The following VWC2L variants were observed in gnomAD, a reference collection of about 807,000 sequenced individuals.
VWC2L encodes the protein von Willebrand factor C domain-containing protein 2-like.
VWC2L carries 10 observed loss-of-function variants against 21.6 expected under a neutral mutation model. The observed-to-expected ratio is 0.46, with a 90% confidence interval of 0.29 to 0.78. VWC2L has a LOEUF of 0.78. VWC2L is among the 30% of genes least tolerant of loss of function. The pLI is 0.10. For missense variants in VWC2L, 209 were observed against 277.1 expected, an observed-to-expected ratio of 0.75 and a Z score of 1.74; for synonymous variants, 96 against 94.3, an observed-to-expected ratio of 1.02 and a Z score of -0.10.
At chr2:214,422,523 T>G (rs1702457759) in intron 2 of VWC2L, among the ~76,000 whole-genome samples, 1 of 152,202 alleles carries the variant, frequency 6.6e-6, no homozygotes, top group Non-Finnish European at 1.5e-5. Flanking sequence ...TAGTTGTCTT[T>G]TAGGGAAGCG....
intron 3 of VWC2L, among the ~76,000 whole-genome samples, chr2:214,542,124 C>T (rs1243751221): frequency 1.3e-5 from 2 of 152,082 alleles, no homozygotes; most frequent in Admixed American, 1.3e-4. Context: ...TTTTAGGTGG[C>T]TCTCACCACT....
intron 3 of VWC2L, among the ~76,000 whole-genome samples, chr2:214,478,220 A>G (rs888160582): frequency 6.6e-4 from 101 of 152,270 alleles, no homozygotes; most frequent in African/African-American, 2.3e-3. Flanking sequence ...TTATTATTTT[A>G]AAAAATAATA....
intron 3 of VWC2L, among the ~76,000 whole-genome samples, chr2:214,445,393 A>G (rs184016357): frequency 1.2e-3 from 180 of 152,014 alleles, no homozygotes; most frequent in African/African-American, 4.1e-3. Flanking sequence ...ATCCATATGA[A>G]CTACTAAGAA....
intron 3 of VWC2L, among the ~76,000 whole-genome samples, chr2:214,470,916 C>CAAAAAAAAAAACAAAAAAAAAAAAAA (rs1703297504): frequency 2.0e-5 from 1 of 50,794 alleles, no homozygotes; most frequent in African/African-American, 1.0e-4. Context: ...AACTCCATCT[C>CAAAAAAAAAAACAAAAAAAAAAAAAA]AAAAAAAAAA....
At chr2:214,437,345 C>T (rs925113048) in intron 3 of VWC2L, among the ~76,000 whole-genome samples, 9 of 151,530 alleles carry the variant, frequency 5.9e-5, no homozygotes, top group Non-Finnish European at 7.4e-5. Flanking sequence ...GTTTTATTTA[C>T]GACATTATAG....
At chr2:214,526,256 G>A (rs966150786) in intron 3 of VWC2L, among the ~76,000 whole-genome samples, 2 of 151,502 alleles carry the variant, frequency 1.3e-5, no homozygotes, top group African/African-American at 4.8e-5. Flanking sequence ...CATATTTAGA[G>A]GAAAAAAAGC....
intron 3 of VWC2L, among the ~76,000 whole-genome samples, chr2:214,519,482 C>T (rs1689197530): frequency 1.3e-5 from 2 of 152,078 alleles, no homozygotes; most frequent in Admixed American, 1.3e-4. Context: ...TGTTCTTTGC[C>T]CACATTGGAA....
chr2:214,514,313 A>G (rs917593975), intron 3 of VWC2L, among the ~76,000 whole-genome samples: 11 of 152,080 alleles, frequency 7.2e-5, no homozygotes, highest in Admixed American at 5.2e-4. Flanking sequence ...AAAAGCAGCA[A>G]TTTCTGATCT....
At chr2:214,443,777 T>C (rs1370867462) in intron 3 of VWC2L, among the ~76,000 whole-genome samples, 2 of 152,170 alleles carry the variant, frequency 1.3e-5, no homozygotes, top group African/African-American at 4.8e-5. Context: ...GACAAGGATG[T>C]CTACTATCAT....
At chr2:214,443,692 T>A (rs983330285) in intron 3 of VWC2L, among the ~76,000 whole-genome samples, 4 of 152,190 alleles carry the variant, frequency 2.6e-5, no homozygotes, top group Non-Finnish European at 5.9e-5. Context: ...TAAAAATATA[T>A]CTACCTCAGC....
chr2:214,558,847 C>A (rs1477181115), intron 3 of VWC2L, among the ~76,000 whole-genome samples: 1 of 150,652 alleles, frequency 6.6e-6, no homozygotes, highest in African/African-American at 2.4e-5. Flanking sequence ...TTAAAATTTT[C>A]CCTTTAGCTA....
chr2:214,451,997 T>A (rs953654192), intron 3 of VWC2L, among the ~76,000 whole-genome samples: 3 of 152,184 alleles, frequency 2.0e-5, no homozygotes, highest in Non-Finnish European at 4.4e-5. Flanking sequence ...TTCCTTCAAG[T>A]TCCTTTATAG....
chr2:214,420,632 G>A (rs1377013386), intron 2 of VWC2L, among the ~76,000 whole-genome samples: 1 of 152,130 alleles, frequency 6.6e-6, no homozygotes, highest in Non-Finnish European at 1.5e-5. Context: ...TGAGAATAGA[G>A]GTGCAGTTTT....
chr2:214,564,354 T>C (rs1433001104), intron 3 of VWC2L, among the ~76,000 whole-genome samples: 2 of 152,190 alleles, frequency 1.3e-5, no homozygotes, highest in African/African-American at 4.8e-5. Context: ...AGAGCTCATA[T>C]AGGGAAGACA....
At chr2:214,567,740 G>GA (rs558650347) in intron 3 of VWC2L, among the ~76,000 whole-genome samples, 1 of 152,050 alleles carries the variant, frequency 6.6e-6, no homozygotes, top group Non-Finnish European at 1.5e-5. Flanking sequence ...ATGGAGCACA[G>GA]AAAAAAATGG....
intron 3 of VWC2L, among the ~76,000 whole-genome samples, chr2:214,468,365 T>TA (rs1703256199): frequency 6.6e-6 from 1 of 152,164 alleles, no homozygotes; most frequent in Non-Finnish European, 1.5e-5. Flanking sequence ...AAACTAGGGT[T>TA]AAAAATGTGA....
At chr2:214,540,961 G>A (rs914694309) in intron 3 of VWC2L, among the ~76,000 whole-genome samples, 17 of 152,132 alleles carry the variant, frequency 1.1e-4, no homozygotes, top group African/African-American at 3.9e-4. Context: ...ATATCTCTAA[G>A]TTTAGCTTTT....
At chr2:214,525,813 G>T (rs10197508) in intron 3 of VWC2L, among the ~76,000 whole-genome samples, 68,728 of 151,962 alleles carry the variant, frequency 0.45, 15,930 homozygotes, top group East Asian at 0.73. Context: ...TTGCTTTTTA[G>T]TTAAACCTTT....
At position 214,508,376 on chromosome 2, in the gene VWC2L, C is replaced by T. The variant is rs571760751; in HGVS notation, c.521-67296C>T. ...TTTGGTAAGATGAAGATGCTACTGT[C>T]TCTCCCCTTTTCATCCCACATTTTC... On this transcript the variant is annotated intron_variant, in intron 3 of 3. Coordinates refer to ENST00000312504, the MANE Select transcript of VWC2L (RefSeq NM_001080500.4). Among the ~76,000 whole-genome samples, 3 of 152,318 alleles carry T rather than the reference C, an allele frequency of 2.0e-5. No homozygotes were observed. The East Asian group carries it at 5.8e-4, about 29-fold the overall frequency.
Sources: allele counts gnomAD v4.1 joint callset (sites outside exome capture counted in the v4.1 genomes callset), GRCh38; gene constraint gnomAD v4.1.1; transcripts MANE v1.5; gene names NCBI Gene and HGNC (gene_info 2026-07-23, HGNC 2026-07-21).